Variants in MIS18A observed in about 807,000 individuals in gnomAD.
MIS18A encodes the protein MIS18 kinetochore protein A.
Under a neutral mutation model 25.0 loss-of-function variants are expected in MIS18A, and 14 were observed. The ratio of observed to expected loss-of-function variants is 0.56; its 90% CI spans 0.37 to 0.88. MIS18A has a LOEUF of 0.88. Among genes scored for constraint, MIS18A ranks in the 40% least tolerant of loss-of-function variants. The pLI is 0.00. For missense variants in MIS18A, 292 were observed against 290.8 expected (o/e 1.00, Z -0.03); for synonymous variants, 134 against 118.6 (o/e 1.13, Z -0.84).
chr21:32,257,407 C>T, the MIS18A span, among the ~76,000 whole-genome samples: 1 of 152,146 alleles, frequency 6.6e-6, no homozygotes, highest in Non-Finnish European at 1.5e-5. Context: ...AAGACATGCA[C>T]CTGGTGCCAC....
chr21:32,201,099 C>T, the MIS18A span, among the ~76,000 whole-genome samples: 1 of 151,836 alleles, frequency 6.6e-6, no homozygotes, highest in Non-Finnish European at 1.5e-5. Flanking sequence ...ACAATTGTGG[C>T]GGAAGGTGAA....
chr21:32,209,035 T>G, the MIS18A span, among the ~76,000 whole-genome samples: 5 of 152,352 alleles, frequency 3.3e-5, no homozygotes, highest in African/African-American at 1.2e-4. Context: ...AGTAGCTCTC[T>G]ATCTAGAAGG....
chr21:32,191,646 G>C, the MIS18A span, among the ~76,000 whole-genome samples: 2 of 152,324 alleles, frequency 1.3e-5, no homozygotes, highest in South Asian at 2.1e-4. Context: ...GCTCACGGCT[G>C]TAATCCCAGC....
At chr21:32,249,343 T>A in the MIS18A span, among the ~76,000 whole-genome samples, 2 of 152,142 alleles carry the variant, frequency 1.3e-5, no homozygotes, top group Non-Finnish European at 2.9e-5. Flanking sequence ...TGCCTCCTTG[T>A]CTTCCACCCT....
chr21:32,247,829 A>G, the MIS18A span, among the ~76,000 whole-genome samples: 1 of 152,198 alleles, frequency 6.6e-6, no homozygotes, highest in Non-Finnish European at 1.5e-5. Flanking sequence ...AACAAAGCCC[A>G]GTTGTTTCAG....
chr21:32,205,648 T>C, the MIS18A span, among the ~76,000 whole-genome samples: 6 of 152,134 alleles, frequency 3.9e-5, no homozygotes. Context: ...AAAAATGACT[T>C]GTTTCAGTGT....
At chr21:32,194,251 C>G in the MIS18A span, among the ~76,000 whole-genome samples, 1 of 152,096 alleles carries the variant, frequency 6.6e-6, no homozygotes, top group Non-Finnish European at 1.5e-5. Flanking sequence ...TATCACAGCA[C>G]TATTCCCAAT....
chr21:32,173,559 G>A, the MIS18A span, among the ~76,000 whole-genome samples: 4 of 152,120 alleles, frequency 2.6e-5, no homozygotes, highest in Non-Finnish European at 5.9e-5. Flanking sequence ...TCCATCAATG[G>A]ATGAATAAAC....
chr21:32,240,818 C>T, the MIS18A span, among the ~76,000 whole-genome samples: 1 of 148,230 alleles, frequency 6.7e-6, no homozygotes, highest in African/African-American at 2.5e-5. Flanking sequence ...AGTCCAGCCT[C>T]CCTTCTCAGT....
At chr21:32,243,477 A>C in the MIS18A span, among the ~76,000 whole-genome samples, 4 of 152,228 alleles carry the variant, frequency 2.6e-5, no homozygotes, top group Admixed American at 6.5e-5. Context: ...CATATGAAAA[A>C]GATGTTTATC....
the MIS18A span, among the ~76,000 whole-genome samples, chr21:32,185,234 C>T: frequency 1.3e-5 from 2 of 152,166 alleles, no homozygotes; most frequent in African/African-American, 4.8e-5. Context: ...TTTCTATAAA[C>T]ACCCTGGTCC....
the MIS18A span, among the ~76,000 whole-genome samples, chr21:32,231,067 C>T: frequency 6.6e-6 from 1 of 151,776 alleles, no homozygotes; most frequent in Admixed American, 6.6e-5. Flanking sequence ...AAACCCCCGT[C>T]TCTAACAAAA....
the MIS18A span, among the ~76,000 whole-genome samples, chr21:32,256,842 A>T: frequency 6.6e-6 from 1 of 152,134 alleles, no homozygotes; most frequent in Non-Finnish European, 1.5e-5. Context: ...CATCTCAAAC[A>T]GTTCAATTCA....
At chr21:32,170,963 T>G in the MIS18A span, among the ~76,000 whole-genome samples, 1 of 151,916 alleles carries the variant, frequency 6.6e-6, no homozygotes, top group South Asian at 2.1e-4. Flanking sequence ...CCCTACAAAC[T>G]AAGAATAGAA....
chr21:32,166,530 C>A, the MIS18A span, among the ~76,000 whole-genome samples: 1 of 152,112 alleles, frequency 6.6e-6, no homozygotes, highest in Admixed American at 6.5e-5. Flanking sequence ...AAGGACATGA[C>A]AGCCAAACTG....
chr21:32,264,636 T>C (rs2031560549), downstream of MIS18A, among the ~76,000 whole-genome samples: 1 of 152,192 alleles, frequency 6.6e-6, no homozygotes, highest in Admixed American at 6.5e-5. Flanking sequence ...AACTGGGACT[T>C]TGACCCTGGA....
the MIS18A span, among the ~76,000 whole-genome samples, chr21:32,189,141 A>G: frequency 6.6e-6 from 1 of 152,140 alleles, no homozygotes; most frequent in Non-Finnish European, 1.5e-5. Context: ...GGACACCGCC[A>G]TGACTCCATG....
chr21:32,196,036 C>A, the MIS18A span, among the ~76,000 whole-genome samples: 9 of 151,596 alleles, frequency 5.9e-5, no homozygotes, highest in African/African-American at 2.2e-4. Context: ...AAAAAAAATT[C>A]TTGTCTGTCT....
the MIS18A span, among the ~76,000 whole-genome samples, chr21:32,191,462 C>T: frequency 6.6e-6 from 1 of 152,214 alleles, no homozygotes; most frequent in Admixed American, 6.5e-5. Flanking sequence ...CATTGTGGTG[C>T]AAGCCTGTAG....
Sources: allele counts gnomAD v4.1 joint callset (sites outside exome capture counted in the v4.1 genomes callset), GRCh38; gene constraint gnomAD v4.1.1; transcripts MANE v1.5; gene names NCBI Gene and HGNC (gene_info 2026-07-23, HGNC 2026-07-21).